TTC28: variants seen among roughly 807,000 people sequenced by gnomAD.
TTC28 encodes the protein tetratricopeptide repeat protein 28.
In TTC28, 61 loss-of-function variants were observed where a neutral mutation model predicts 198.0. The observed-to-expected ratio is 0.31, with a 90% CI of 0.25 to 0.38. The LOEUF is 0.38. TTC28 is among the 10% of genes least tolerant of loss of function. The pLI is 1.00. For missense variants in TTC28, 2,678 were observed against 3,164.0 expected (o/e 0.85, Z 3.69); for synonymous variants, 1,171 against 1,297.8 (o/e 0.90, Z 2.10).
intron 8 of TTC28, among the ~76,000 whole-genome samples, chr22:28,102,296 T>C (rs1391474758): frequency 6.6e-6 from 1 of 152,246 alleles, no homozygotes; most frequent in African/African-American, 2.4e-5. Flanking sequence ...CTTTTCAGTC[T>C]AAGATTTTGA....
Position 28,296,323 on chromosome 22 carries a change from G to A in TTC28, c.808C>T (p.Gln270Ter). ...CCATGAGCTCGGCATTCTCCTGTCT[G>A]GTCACCTGGATTGAATTGAGAAAAA... Reference protein sequence around the residue: ...DLDVAKTLGDQTGECRAHGNL... With the variant: ...DLDVAKTLGD The change falls in exon 5 of 23, where the codon CAG (glutamine) becomes TAG (stop). Residue 270 changes from glutamine to a stop codon, truncating the protein, a stop_gained. Coordinates refer to ENST00000397906, the MANE Select transcript of TTC28 (RefSeq NM_001145418.2). LOFTEE classifies it high-confidence loss of function. 1 of 1,522,756 alleles carries A rather than the reference G, an allele frequency of 6.6e-7. No individual in the cohort carries two copies. The highest frequency in any genetic ancestry group is 8.8e-7 in the Non-Finnish European group (1 of 1,136,840). The allele number at this position is 1,522,756 out of a possible 1,614,324, so 94.3% of individuals were successfully genotyped here. A position where few individuals can be genotyped will look rare whatever the true frequency, so the allele number is the denominator to read the frequency against.
chr22:28,164,216 G>C (rs923733856), intron 5 of TTC28, among the ~76,000 whole-genome samples: 1 of 152,192 alleles, frequency 6.6e-6, no homozygotes, highest in Non-Finnish European at 1.5e-5. Context: ...CCACCTCTGG[G>C]AGCAGGGCAC....
intron 2 of TTC28, among the ~76,000 whole-genome samples, chr22:28,422,971 T>C (rs779992147): frequency 2.6e-5 from 4 of 152,194 alleles, no homozygotes; most frequent in Non-Finnish European, 4.4e-5. Flanking sequence ...CTTAAAATAG[T>C]GAAAGCAGAG....
chr22:28,215,340 T>C (rs1927303938), intron 5 of TTC28, among the ~76,000 whole-genome samples: 1 of 152,186 alleles, frequency 6.6e-6, no homozygotes, highest in Admixed American at 6.5e-5. Context: ...CTTCCAGCAC[T>C]GAGTTTCCAT....
chr22:28,509,403 G>A (rs2048657829), intron 2 of TTC28, among the ~76,000 whole-genome samples: 1 of 152,126 alleles, frequency 6.6e-6, no homozygotes, highest in South Asian at 2.1e-4. Context: ...CAACTACACA[G>A]AAATTGAACA....
chr22:28,178,949 T>C (rs1345762186), intron 5 of TTC28, among the ~76,000 whole-genome samples: 1 of 152,080 alleles, frequency 6.6e-6, no homozygotes, highest in African/African-American at 2.4e-5. Flanking sequence ...TATTGATGAA[T>C]TTGCAATCCC....
chr22:28,038,586 T>C (rs1939465096), intron 12 of TTC28, among the ~76,000 whole-genome samples: 1 of 152,166 alleles, frequency 6.6e-6, no homozygotes, highest in Non-Finnish European at 1.5e-5. Flanking sequence ...ACCTAGGCAA[T>C]ACCATTCAGG....
At position 27,990,279 on chromosome 22, in the gene TTC28, G is replaced by A. The variant is rs544716088; in HGVS notation, c.5578-272C>T. On this transcript the variant is annotated intron_variant, in intron 20 of 22. Coordinates refer to ENST00000397906, the MANE Select transcript of TTC28 (RefSeq NM_001145418.2). ...TCCAGCCTTGTGTCTTCCCTCAGGCGTGGGAGAGCCTCACAGGAGAGGCCA... is the reference window on the plus strand; with the variant it reads ...TCCAGCCTTGTGTCTTCCCTCAGGCATGGGAGAGCCTCACAGGAGAGGCCA... Among the ~76,000 whole-genome samples, 149 of 152,322 alleles carry A rather than the reference G, an allele frequency of 9.8e-4. 2 individuals are homozygous for A. Among genetic ancestry groups the A allele is most frequent in the Admixed American group, 7.4e-3 (114 of 15,312 alleles).
intron 12 of TTC28, among the ~76,000 whole-genome samples, chr22:28,052,699 G>T (rs1219422779): frequency 6.6e-6 from 1 of 152,130 alleles, no homozygotes; most frequent in Non-Finnish European, 1.5e-5. Context: ...ATAATGTCTC[G>T]AGTGTTTTAT....
intron 5 of TTC28, among the ~76,000 whole-genome samples, chr22:28,167,726 CA>C (rs1218212284): frequency 6.6e-6 from 1 of 152,138 alleles, no homozygotes; most frequent in East Asian, 1.9e-4. Context: ...ACTGAATGGC[CA>C]AAAACTGGAA....
chr22:28,440,353 T>C (rs780936385), intron 2 of TTC28, among the ~76,000 whole-genome samples: 6 of 152,138 alleles, frequency 3.9e-5, no homozygotes, highest in Non-Finnish European at 4.4e-5. Flanking sequence ...TAACTGAATA[T>C]TGCAGACTCA....
At chr22:28,257,780 A>ATATATC (rs1241022504) in intron 5 of TTC28, among the ~76,000 whole-genome samples, 1 of 128,132 alleles carries the variant, frequency 7.8e-6, no homozygotes, top group African/African-American at 2.9e-5. Context: ...ATATATATAT[A>ATATATC]TCTTCTACTT....
In TTC28 at chr22:28,094,216, C is replaced by A; in HGVS notation, c.3796G>T (p.Gly1266Cys). 6.5e-7 allele frequency: 1 copy of A among 1,549,420 alleles called. No homozygotes were observed. Among genetic ancestry groups the A allele is most frequent in the Non-Finnish European group, 8.7e-7 (1 of 1,146,304 alleles). Residue 1266 changes from glycine (G) to cysteine (C), a missense_variant, in exon 12 of 23, where the codon GGT (glycine) becomes TGT (cysteine). This residue lies in a region of TTC28 where 727 missense variants were observed against 861.9 expected (regional missense o/e 0.84). Transcript: ENST00000397906. ...CTTGAGTTTTCCACTGTGTTCTCAC[C>A]CAGGTAGTGTTCATGAAACTTCACA... ...GIVKFHEHYL[G>C]ENTVENSSDF...
chr22:28,117,167 CT>C (rs1419664184), intron 6 of TTC28, among the ~76,000 whole-genome samples: 1 of 152,220 alleles, frequency 6.6e-6, no homozygotes, highest in East Asian at 1.9e-4. Context: ...CTCTCTTCCT[CT>C]GTCTCATCAA....
intron 2 of TTC28, among the ~76,000 whole-genome samples, chr22:28,365,951 C>A (rs1443824258): frequency 6.6e-6 from 1 of 152,136 alleles, no homozygotes; most frequent in Non-Finnish European, 1.5e-5. Flanking sequence ...TTAAAACCAA[C>A]ACAAAATATG....
intron 2 of TTC28, among the ~76,000 whole-genome samples, chr22:28,599,982 T>C (rs1465033619): frequency 1.3e-5 from 2 of 152,224 alleles, no homozygotes; most frequent in Non-Finnish European, 1.5e-5. Flanking sequence ...CAAATATTTA[T>C]TGAAGGTTTA....
intron 12 of TTC28, among the ~76,000 whole-genome samples, chr22:28,068,010 A>G (rs975545245): frequency 6.6e-6 from 1 of 152,242 alleles, no homozygotes; most frequent in Admixed American, 6.5e-5. Context: ...ATTTAGTGTT[A>G]CAGCAGCAAA....
At chr22:28,433,017 A>T (rs1203145939) in intron 2 of TTC28, among the ~76,000 whole-genome samples, 1 of 152,172 alleles carries the variant, frequency 6.6e-6, no homozygotes, top group Non-Finnish European at 1.5e-5. Context: ...TGTTTCATGA[A>T]TCCTCCCTAC....
At chr22:28,102,943 A>G (rs1197805845) in intron 8 of TTC28, among the ~76,000 whole-genome samples, 1 of 152,238 alleles carries the variant, frequency 6.6e-6, no homozygotes, top group Middle Eastern at 3.2e-3. Context: ...TAAACCTTCA[A>G]TAAGCTAAAC....
Sources: allele counts gnomAD v4.1 joint callset (sites outside exome capture counted in the v4.1 genomes callset), GRCh38; gene constraint gnomAD v4.1.1; regional missense constraint gnomAD v4.1.1; transcripts MANE v1.5; gene names NCBI Gene and HGNC (gene_info 2026-07-23, HGNC 2026-07-21).